The following TFEC variants were observed in gnomAD, a reference collection of about 807,000 sequenced individuals.
TFEC encodes the protein class E basic helix-loop-helix protein 34.
A neutral mutation model predicts 41.6 loss-of-function variants in TFEC; 31 were observed. That is an observed-to-expected ratio of 0.74 (90% CI 0.56 to 1.01). The LOEUF is 1.01. TFEC is among the 50% of genes least tolerant of loss of function. The probability of loss-of-function intolerance (pLI) is 0.00; values close to 1 mark genes in which losing one functional copy is unlikely to be tolerated. For missense variants in TFEC, 402 were observed against 404.1 expected, an observed-to-expected ratio of 0.99 and a Z score of 0.04; for synonymous variants, 143 against 140.6, an observed-to-expected ratio of 1.02 and a Z score of -0.12.
chr7:116,046,395 T>C (rs916330420), intron 3 of TFEC, among the ~76,000 whole-genome samples: 2 of 152,208 alleles, frequency 1.3e-5, no homozygotes, highest in Non-Finnish European at 2.9e-5. Context: ...ATAGGTCTCA[T>C]GAGATCTGAT....
chr7:115,941,130 G>T (rs1314176489), intron 7 of TFEC, 199 bp from the exon 8 acceptor site: 3 of 567,000 alleles, frequency 5.3e-6, no homozygotes, highest in South Asian at 3.0e-5. Flanking sequence ...AAATTACTCA[G>T]ACTTTTTTTT....
At chr7:115,949,029 A>C (rs1437642601) in intron 6 of TFEC, among the ~76,000 whole-genome samples, 1 of 152,142 alleles carries the variant, frequency 6.6e-6, no homozygotes, top group Non-Finnish European at 1.5e-5. Flanking sequence ...ATGTACAAAA[A>C]TCACAAGCAT....
intron 1 of TFEC, among the ~76,000 whole-genome samples, chr7:116,129,972 G>C (rs1038354191): frequency 6.7e-6 from 1 of 150,046 alleles, no homozygotes; most frequent in Admixed American, 6.7e-5. Flanking sequence ...CTCATGCTAT[G>C]ATGCTTATTA....
intron 1 of TFEC, among the ~76,000 whole-genome samples, chr7:116,154,006 T>C (rs553139511): frequency 1.3e-5 from 2 of 152,292 alleles, no homozygotes; most frequent in Admixed American, 6.5e-5. Context: ...GGGGATTAGA[T>C]GAAATTGTAA....
intron 3 of TFEC, among the ~76,000 whole-genome samples, chr7:116,088,568 A>G (rs1468386456): frequency 6.6e-6 from 1 of 152,126 alleles, no homozygotes; most frequent in Admixed American, 6.6e-5. Flanking sequence ...CCTATTTAAA[A>G]AGCATCTAGC....
rs549436728 is a variant in TFEC, at chr7:116,122,601, C to T, written c.-68-10563G>A. Among the ~76,000 whole-genome samples the T allele has an allele frequency of 7.9e-5, 12 of 152,176 alleles. No individual in the cohort carries two copies. The East Asian group carries it at 2.3e-3, about 29-fold the overall frequency. On this transcript the variant is annotated intron_variant, in intron 1 of 8. Coordinates refer to the TFEC transcript ENST00000484212. The stretch of plus-strand genomic sequence containing the variant: ...TTGGCAGTGTCTGCTATGTACCAGG[C>T]CCTTTAGCAAGTTATATTCCTTTTT...
intron 3 of TFEC, among the ~76,000 whole-genome samples, chr7:116,036,430 C>T (rs2130908863): frequency 6.6e-6 from 1 of 152,148 alleles, no homozygotes; most frequent in East Asian, 1.9e-4. Flanking sequence ...CTTAAAAGTG[C>T]TAGCTTTCTG....
intron 3 of TFEC, among the ~76,000 whole-genome samples, chr7:116,079,018 G>T (rs936733417): frequency 2.2e-4 from 33 of 152,096 alleles, no homozygotes; most frequent in Non-Finnish European, 1.5e-4. Context: ...TGCAGGGATA[G>T]TTTAACATAT....
intron 6 of TFEC, among the ~76,000 whole-genome samples, chr7:115,949,925 G>C (rs960383507): frequency 4.3e-4 from 66 of 151,888 alleles, no homozygotes; most frequent in African/African-American, 1.6e-3. Flanking sequence ...CCTACAAAAT[G>C]GGAGAAAATT....
chr7:116,082,266 TCCCA>T (rs1221263927), intron 3 of TFEC, among the ~76,000 whole-genome samples: 1 of 151,808 alleles, frequency 6.6e-6, no homozygotes, highest in African/African-American at 2.4e-5. Flanking sequence ...AAGCAAATTC[TCCCA>T]GTGCCTGCCT....
chr7:115,964,953 C>T (rs1792768539), intron 3 of TFEC, among the ~76,000 whole-genome samples: 1 of 151,426 alleles, frequency 6.6e-6, no homozygotes, highest in South Asian at 2.1e-4. Flanking sequence ...TTTCTTAGCC[C>T]AATGCATGGT....
At chr7:116,011,913 G>A (rs28711660) in intron 1 of TFEC, among the ~76,000 whole-genome samples, 4,469 of 152,212 alleles carry the variant, frequency 0.029, 205 homozygotes, top group African/African-American at 0.1. Flanking sequence ...CTTCTGCCAT[G>A]ACTGTAAGCT....
At chr7:116,080,237 G>A (rs1797056498) in intron 3 of TFEC, among the ~76,000 whole-genome samples, 1 of 151,660 alleles carries the variant, frequency 6.6e-6, no homozygotes. Context: ...CTAGACATTG[G>A]GAAAACCCTT....
intron 3 of TFEC, among the ~76,000 whole-genome samples, chr7:116,047,835 C>T (rs980860419): frequency 1.3e-5 from 2 of 151,494 alleles, no homozygotes; most frequent in Middle Eastern, 3.4e-3. Context: ...CAACATTTGT[C>T]GTTCTGCAGC....
intron 3 of TFEC, among the ~76,000 whole-genome samples, chr7:116,065,897 A>G (rs1001871888): frequency 2.0e-5 from 3 of 152,146 alleles, no homozygotes; most frequent in Non-Finnish European, 4.4e-5. Flanking sequence ...ATCTCACTGG[A>G]GCTACATGGT....
chr7:116,070,864 T>C (rs1380636451), intron 3 of TFEC, among the ~76,000 whole-genome samples: 2 of 151,356 alleles, frequency 1.3e-5, no homozygotes, highest in South Asian at 2.1e-4. Flanking sequence ...AAAAGTGTAT[T>C]AGAAGAAATA....
intron 1 of TFEC, among the ~76,000 whole-genome samples, chr7:116,000,464 A>C (rs980751086): frequency 6.6e-6 from 1 of 152,190 alleles, no homozygotes; most frequent in African/African-American, 2.4e-5. Context: ...AAGAGAAAGA[A>C]ATAAATGGCA....
At chr7:116,094,688 C>T (rs567182288) in intron 3 of TFEC, among the ~76,000 whole-genome samples, 39 of 151,946 alleles carry the variant, frequency 2.6e-4, no homozygotes, top group African/African-American at 9.4e-4. Flanking sequence ...TCAAACAAAA[C>T]AAAACAAAAT....
chr7:115,953,277 CTTTATGAAGAATG>C (rs1792045736), intron 5 of TFEC, among the ~76,000 whole-genome samples: 1 of 152,014 alleles, frequency 6.6e-6, no homozygotes, highest in African/African-American at 2.4e-5. Flanking sequence ...GCCTCTGGGT[CTTTATGAAGAATG>C]GAACATAATT....
Sources: allele counts gnomAD v4.1 joint callset (sites outside exome capture counted in the v4.1 genomes callset), GRCh38; gene constraint gnomAD v4.1.1; transcripts MANE v1.5; gene names NCBI Gene and HGNC (gene_info 2026-07-23, HGNC 2026-07-21).